Variants in VTA1 observed in about 807,000 individuals in gnomAD.
The protein encoded by VTA1 is vacuolar protein sorting-associated protein VTA1 homolog.
VTA1 carries 24 observed loss-of-function variants against 36.9 expected under a neutral mutation model. The ratio of observed to expected loss-of-function variants is 0.65; its 90% CI spans 0.47 to 0.91. The LOEUF (loss-of-function observed/expected upper bound fraction) is 0.91. Ranked by LOEUF, VTA1 falls within the 40% of genes least tolerant of loss-of-function variation. The pLI, the probability that VTA1 is intolerant of heterozygous loss-of-function variation, is 0.00. For missense variants in VTA1, 393 were observed against 377.2 expected (o/e 1.04, Z -0.35); for synonymous variants, 142 against 130.2 (o/e 1.09, Z -0.62).
Position 142,221,816 on chromosome 6 carries a change from T to C in VTA1, c.*3173T>C, listed in dbSNP as rs940179186. On this transcript the variant is annotated 3_prime_UTR_variant, in exon 8 of 8. Coordinates refer to ENST00000367630, the MANE Select transcript of VTA1 (RefSeq NM_016485.5). The stretch of plus-strand genomic sequence containing the variant: ...TAAATATATTAATAAATATATAATA[T>C]ATATATTAGCCTGGCATGGTGGCAC... The C allele has an allele frequency of 8.1e-5, 12 of 148,192 alleles. No individual in the cohort carries two copies. Among genetic ancestry groups the C allele is most frequent in the African/African-American group, 1.5e-4 (6 of 40,766 alleles). The allele number at this position is 148,192 out of a possible 1,614,324, so 9.2% of individuals were successfully genotyped here.
chr6:142,205,008 G>A (rs568677861), intron 7 of VTA1, among the ~76,000 whole-genome samples: 2 of 152,270 alleles, frequency 1.3e-5, no homozygotes, highest in South Asian at 4.1e-4. Context: ...ACAGGCATGA[G>A]CCACCGTGCC....
chr6:142,202,671 A>G (rs1775712353), intron 6 of VTA1, among the ~76,000 whole-genome samples: 1 of 152,000 alleles, frequency 6.6e-6, no homozygotes, highest in Non-Finnish European at 1.5e-5. Context: ...ATTTCTTAGC[A>G]GAGAACAGCA....
In VTA1 at chr6:142,201,563, A is replaced by G. The variant is rs982174425; in HGVS notation, c.698-2422A>G. On this transcript the variant is annotated intron_variant, in intron 6 of 7. Transcript: ENST00000367630. ...AAGAAACATAAGCTTTTTATAGTTC[A>G]TATTACAGGAGAAGATTTTAGTAAT... Among the ~76,000 whole-genome samples, 3 of 152,060 alleles carry G rather than the reference A, an allele frequency of 2.0e-5. 1 individual carries two copies. In the East Asian group the frequency reaches 5.8e-4, roughly 29 times the overall value.
intron 1 of VTA1, among the ~76,000 whole-genome samples, chr6:142,152,496 A>G (rs1042557652): frequency 6.6e-6 from 1 of 152,116 alleles, no homozygotes; most frequent in Non-Finnish European, 1.5e-5. Flanking sequence ...ATAAAAAATA[A>G]CAACAGAACC....
chr6:142,190,020 G>A (rs1393442201), intron 5 of VTA1, among the ~76,000 whole-genome samples: 9 of 152,172 alleles, frequency 5.9e-5, no homozygotes, highest in Non-Finnish European at 1.2e-4. Context: ...GCCTCCCAAA[G>A]TGCTGGGATT....
At chr6:142,159,649 GA>G (rs1198414505) in intron 1 of VTA1, among the ~76,000 whole-genome samples, 3 of 151,488 alleles carry the variant, frequency 2.0e-5, no homozygotes, top group African/African-American at 4.8e-5. Flanking sequence ...TAGTAGCTGG[GA>G]CTACAGGTGC....
chr6:142,198,715 A>T, intron 6 of VTA1, 100 bp downstream of exon 6: 1 of 1,166,992 alleles, frequency 8.6e-7, no homozygotes, highest in Non-Finnish European at 1.2e-6. Context: ...TCATGAAAAC[A>T]TGACAAGTTC....
At chr6:142,162,404 T>A (rs1774828589) in intron 1 of VTA1, among the ~76,000 whole-genome samples, 1 of 152,188 alleles carries the variant, frequency 6.6e-6, no homozygotes, top group Non-Finnish European at 1.5e-5. Context: ...GAGAAAGACC[T>A]GTGGGGAGAT....
At chr6:142,205,852 TCA>T (rs1156516161) in intron 7 of VTA1, among the ~76,000 whole-genome samples, 2 of 152,088 alleles carry the variant, frequency 1.3e-5, no homozygotes, top group East Asian at 3.8e-4. Flanking sequence ...ACAAGAAATC[TCA>T]GTTTGGAAGC....
At chr6:142,193,296 T>G (rs1449917512) in intron 5 of VTA1, among the ~76,000 whole-genome samples, 1 of 152,132 alleles carries the variant, frequency 6.6e-6, no homozygotes, top group African/African-American at 2.4e-5. Context: ...ATGATTTTGG[T>G]GAAATATTGG....
chr6:142,200,959 A>G (rs1775672780), intron 6 of VTA1, among the ~76,000 whole-genome samples: 1 of 151,966 alleles, frequency 6.6e-6, no homozygotes, highest in South Asian at 2.1e-4. Flanking sequence ...ACAAACTCTC[A>G]AGAGACTAAG....
Position 142,189,538 on chromosome 6 carries a change from T to G in VTA1, c.520+4T>G, listed in dbSNP as rs762749831. On this transcript the variant is annotated splice_donor_region_variant and intron_variant, in intron 5 of 7. Transcript: ENST00000367630. ...GTTGGAATTGAAGAAGATAATGGTATGTATTTATTTATTCTGAGTAAAAGG... is the reference window on the plus strand; with the variant it reads ...GTTGGAATTGAAGAAGATAATGGTAGGTATTTATTTATTCTGAGTAAAAGG... 3.2e-6 allele frequency: 5 copies of G among 1,569,682 alleles called. No homozygotes were observed. The African/African-American group carries it at 6.8e-5, about 21-fold the overall frequency.
intron 7 of VTA1, among the ~76,000 whole-genome samples, chr6:142,212,588 G>T (rs931709540): frequency 6.6e-6 from 1 of 151,608 alleles, no homozygotes; most frequent in Non-Finnish European, 1.5e-5. Flanking sequence ...CTGTGTTTTA[G>T]TCTGTTCTCA....
chr6:142,183,776 C>T lies in VTA1; in HGVS notation c.412-5650C>T, dbSNP rs145853788. On this transcript the variant is annotated intron_variant, in intron 4 of 7. Coordinates refer to ENST00000367630, the MANE Select transcript of VTA1 (RefSeq NM_016485.5). ...AGTGAATTAGTGGAATTACAACTGC[C>T]GGAAATTTCTGCTAAATAGTATATG... 4.8e-4 allele frequency among the ~76,000 whole-genome samples: 73 copies of T among 152,136 alleles called. 2 individuals carry two copies. In the East Asian group the frequency reaches 0.01, roughly 22 times the overall value.
At chr6:142,208,078 C>T (rs1413773782) in intron 7 of VTA1, among the ~76,000 whole-genome samples, 1 of 104,330 alleles carries the variant, frequency 9.6e-6, no homozygotes, top group Non-Finnish European at 1.9e-5. Context: ...GACAGTGAGA[C>T]TTCCATCAAA....
intron 7 of VTA1, among the ~76,000 whole-genome samples, chr6:142,215,121 C>T (rs225706): frequency 6.6e-6 from 1 of 151,906 alleles, no homozygotes; most frequent in Non-Finnish European, 1.5e-5. Flanking sequence ...ATTAGAGTGT[C>T]AATGACAACT....
intron 7 of VTA1, among the ~76,000 whole-genome samples, chr6:142,210,596 T>C (rs564910527): frequency 2.0e-5 from 3 of 152,156 alleles, no homozygotes; most frequent in African/African-American, 7.2e-5. Flanking sequence ...AAACAAATAA[T>C]GCAATTCAAA....
chr6:142,224,548 A>G lies in VTA1; in HGVS notation c.*5905A>G, dbSNP rs563894270. 3.9e-5 allele frequency: 6 copies of G among 152,230 alleles called. No individual in the cohort carries two copies. The highest frequency in any genetic ancestry group is 1.4e-4 in the African/African-American group (6 of 41,554). The allele number at this position is 152,230 out of a possible 1,614,324, so 9.4% of individuals were successfully genotyped here. Reference sequence around the variant, plus strand: ...CCCTCATTAGATGCTAAGTTCCTTGATATTTTATACATTTGTGAATTCCTG... The same window carrying G: ...CCCTCATTAGATGCTAAGTTCCTTGGTATTTTATACATTTGTGAATTCCTG... On this transcript the variant is annotated 3_prime_UTR_variant, in exon 8 of 8. Coordinates refer to ENST00000367630, the MANE Select transcript of VTA1 (RefSeq NM_016485.5).
rs532639272 is a variant in VTA1, at chr6:142,179,373, T to G, written c.411+8952T>G. 8.4e-4 allele frequency among the ~76,000 whole-genome samples: 128 copies of G among 152,208 alleles called. 1 individual carries two copies. The highest frequency in any genetic ancestry group is 3.0e-3 in the African/African-American group (123 of 41,542). Reference sequence around the variant, plus strand: ...ACCCAGCAATTCCTATTCTGGTTTTTATCCAAGAAAAATAAAAACATATGT... The same window carrying G: ...ACCCAGCAATTCCTATTCTGGTTTTGATCCAAGAAAAATAAAAACATATGT... On this transcript the variant is annotated intron_variant, in intron 4 of 7. Transcript: ENST00000367630.
Sources: allele counts gnomAD v4.1 joint callset (sites outside exome capture counted in the v4.1 genomes callset), GRCh38; gene constraint gnomAD v4.1.1; transcripts MANE v1.5; gene names NCBI Gene and HGNC (gene_info 2026-07-23, HGNC 2026-07-21).